Variants in DGKB observed in about 807,000 individuals in gnomAD.
DGKB encodes diacylglycerol kinase beta.
In DGKB, 67 loss-of-function variants were observed where a neutral mutation model predicts 114.3. The observed-to-expected ratio is 0.59, with a 90% confidence interval of 0.48 to 0.72. The LOEUF (loss-of-function observed/expected upper bound fraction) is 0.72. DGKB is among the 30% of genes least tolerant of loss of function. The probability of loss-of-function intolerance (pLI) is 0.00; values close to 1 mark genes in which losing one functional copy is unlikely to be tolerated. For synonymous variants in DGKB, 398 were observed against 323.1 expected (o/e 1.23, Z -2.49); for missense variants, 907 against 975.2 (o/e 0.93, Z 0.93).
chr7:14,928,657 TATTTA>T (rs138102993), intron 1 of DGKB, among the ~76,000 whole-genome samples: 2,112 of 152,038 alleles, frequency 0.014, 51 homozygotes, highest in African/African-American at 0.048. Flanking sequence ...GTTCATTTTT[TATTTA>T]TTTTATTTTA....
intron 23 of DGKB, among the ~76,000 whole-genome samples, chr7:14,208,143 A>G (rs934348131): frequency 6.6e-6 from 1 of 152,100 alleles, no homozygotes; most frequent in Non-Finnish European, 1.5e-5. Flanking sequence ...CTGTCTCTCC[A>G]GTAAAATAAA....
rs564983098 is a variant in DGKB at position 14,540,807 on chromosome 7, G to A, written c.1770+33405C>T. Among the ~76,000 whole-genome samples the A allele has an allele frequency of 2.6e-5, 4 of 152,262 alleles. No individual in the cohort carries two copies. In the South Asian group the frequency reaches 8.3e-4, roughly 32 times the overall value. On this transcript the variant is annotated intron_variant, in intron 20 of 25. Transcript: ENST00000402815. The stretch of plus-strand genomic sequence containing the variant: ...ATAAGCAGTAACAGGCAAATGATAT[G>A]AATATATTGGCTGAGGGGAAATGTA...
At chr7:14,659,841 C>G (rs1045494204) in intron 13 of DGKB, among the ~76,000 whole-genome samples, 1 of 151,700 alleles carries the variant, frequency 6.6e-6, no homozygotes, top group East Asian at 2.0e-4. Context: ...CCAGTTTTTG[C>G]CCATTCAGTA....
At chr7:14,508,656 T>C (rs527738518) in intron 20 of DGKB, among the ~76,000 whole-genome samples, 24 of 152,324 alleles carry the variant, frequency 1.6e-4, no homozygotes, top group South Asian at 1.5e-3. Flanking sequence ...ACAATTCCTA[T>C]TAAATCAGTT....
At chr7:14,723,977 G>C (rs1231926429) in intron 5 of DGKB, among the ~76,000 whole-genome samples, 3 of 152,070 alleles carry the variant, frequency 2.0e-5, no homozygotes, top group Non-Finnish European at 2.9e-5. Flanking sequence ...GTTTTGGGTA[G>C]CTGTTAAATT....
At chr7:14,430,124 G>A (rs1482053175) in intron 21 of DGKB, among the ~76,000 whole-genome samples, 1 of 152,126 alleles carries the variant, frequency 6.6e-6, no homozygotes, top group East Asian at 1.9e-4. Flanking sequence ...TTTCTCTGTG[G>A]CCCGTTTTGG....
At chr7:14,551,365 A>G (rs984977803) in intron 20 of DGKB, among the ~76,000 whole-genome samples, 1 of 152,210 alleles carries the variant, frequency 6.6e-6, no homozygotes, top group Non-Finnish European at 1.5e-5. Flanking sequence ...TTCACTTTTT[A>G]CACAGCATGT....
Position 14,338,713 on chromosome 7 carries a change from G to A in DGKB, c.1927-3C>T. 7.0e-7 allele frequency: 1 copy of A among 1,425,560 alleles called. No individual in the cohort carries two copies. The highest frequency in any genetic ancestry group is 9.3e-7 in the Non-Finnish European group (1 of 1,078,516). 88.3% of individuals were successfully genotyped at this position (1,425,560 alleles called of 1,614,324 possible). A position where few individuals can be genotyped will look rare whatever the true frequency, so the allele number is the denominator to read the frequency against. Reference sequence around the variant, plus strand: ...AAATCTATCTGTACTCCATCACACTGATCGGTAAAAAGAAAGAAACAGAAA... The same window carrying A: ...AAATCTATCTGTACTCCATCACACTAATCGGTAAAAAGAAAGAAACAGAAA... On this transcript the variant is annotated splice_polypyrimidine_tract_variant and splice_region_variant and intron_variant, in intron 22 of 25. Transcript: ENST00000402815.
chr7:14,620,069 T>C (rs1254589953), intron 15 of DGKB, among the ~76,000 whole-genome samples: 5 of 151,620 alleles, frequency 3.3e-5, no homozygotes, highest in Admixed American at 6.6e-5. Flanking sequence ...AAAAATTTTA[T>C]AGGATAATTT....
intron 23 of DGKB, among the ~76,000 whole-genome samples, chr7:14,302,878 T>C (rs1432762103): frequency 6.6e-6 from 1 of 152,130 alleles, no homozygotes; most frequent in East Asian, 1.9e-4. Context: ...ATGGGAGGTA[T>C]ACTTTTGGTT....
intron 20 of DGKB, among the ~76,000 whole-genome samples, chr7:14,529,578 T>C (rs1254844106): frequency 2.0e-5 from 3 of 151,746 alleles, no homozygotes; most frequent in Non-Finnish European, 4.4e-5. Context: ...TCACTCTACA[T>C]GAAAAATGTA....
chr7:14,151,052 A>G (rs1782119935), intron 25 of DGKB, among the ~76,000 whole-genome samples: 1 of 152,094 alleles, frequency 6.6e-6, no homozygotes, highest in Non-Finnish European at 1.5e-5. Context: ...CTATTTTTGA[A>G]CATTGAAAAT....
intron 4 of DGKB, among the ~76,000 whole-genome samples, chr7:14,748,587 T>C (rs1833696002): frequency 6.6e-6 from 1 of 152,066 alleles, no homozygotes; most frequent in African/African-American, 2.4e-5. Context: ...AGTAGTAGAA[T>C]ACAAGGTCAA....
intron 13 of DGKB, among the ~76,000 whole-genome samples, chr7:14,631,118 A>G (rs1408941192): frequency 6.6e-6 from 1 of 151,824 alleles, no homozygotes; most frequent in Non-Finnish European, 1.5e-5. Flanking sequence ...GGAGGTAGTC[A>G]GAATTCCCTT....
chr7:14,203,907 A>G (rs1191559350), intron 23 of DGKB, among the ~76,000 whole-genome samples: 5 of 151,990 alleles, frequency 3.3e-5, no homozygotes, highest in Admixed American at 6.6e-5. Flanking sequence ...TGTAATATTT[A>G]GACAATCTAA....
At position 14,811,665 on chromosome 7, in the gene DGKB, T is replaced by C. The variant is rs932880028; in HGVS notation, c.70+29529A>G. Among the ~76,000 whole-genome samples, 2 of 152,148 alleles carry C rather than the reference T, an allele frequency of 1.3e-5. 1 individual carries two copies. The highest frequency in any genetic ancestry group is 2.9e-5 in the Non-Finnish European group (2 of 68,030). On this transcript the variant is annotated intron_variant, in intron 2 of 25. Transcript: ENST00000402815. The stretch of plus-strand genomic sequence containing the variant: ...TAATTCAAATTACTTATGTAATTAA[T>C]TAAAACAATATTCTAATGTCAGAAT...
At chr7:14,610,297 G>A (rs1205798955) in intron 16 of DGKB, among the ~76,000 whole-genome samples, 2 of 151,936 alleles carry the variant, frequency 1.3e-5, no homozygotes, top group African/African-American at 4.8e-5. Context: ...TGCATGTACT[G>A]CACGAAATGT....
intron 23 of DGKB, among the ~76,000 whole-genome samples, chr7:14,306,074 A>G (rs1804420164): frequency 6.6e-6 from 1 of 152,078 alleles, no homozygotes. Context: ...TTTTTTCCTC[A>G]GAGATAATAT....
intron 2 of DGKB, among the ~76,000 whole-genome samples, chr7:14,840,744 A>ACACACACACAC (rs1554298987): frequency 8.6e-6 from 1 of 116,238 alleles, no homozygotes; most frequent in Non-Finnish European, 1.8e-5. Flanking sequence ...ACACACACAC[A>ACACACACACAC]CCTCTCCCTT....
Sources: gnomAD v4.1 joint callset for allele counts (sites outside exome capture counted in the v4.1 genomes callset) on GRCh38, gnomAD v4.1.1 for gene constraint, MANE v1.5 for transcripts, NCBI Gene and HGNC (gene_info 2026-07-23, HGNC 2026-07-21) for gene names.